OTOGL: variants seen among roughly 807,000 people sequenced by gnomAD.
OTOGL encodes the protein otogelin-like protein.
In OTOGL, 285 loss-of-function variants were observed where a neutral mutation model predicts 318.5. That is an observed-to-expected ratio of 0.89 (90% CI 0.81 to 0.99). The LOEUF (loss-of-function observed/expected upper bound fraction) is 0.99, where lower values mean the gene tolerates loss of function less well. Ranked by LOEUF, OTOGL falls within the 50% of genes least tolerant of loss-of-function variation. The pLI, the probability that OTOGL is intolerant of heterozygous loss-of-function variation, is 0.00. For missense variants in OTOGL, 2,899 were observed against 2,845.6 expected, an observed-to-expected ratio of 1.02 and a Z score of -0.43; for synonymous variants, 987 against 936.5, an observed-to-expected ratio of 1.05 and a Z score of -0.99.
chr12:80,188,084 T>C (rs1875419292), intron 1 of OTOGL, among the ~76,000 whole-genome samples: 1 of 152,180 alleles, frequency 6.6e-6, no homozygotes, highest in African/African-American at 2.4e-5. Flanking sequence ...TCTTTTTAAT[T>C]GTCAATGATG....
chr12:80,276,208 A>G (rs1399461697), intron 24 of OTOGL, among the ~76,000 whole-genome samples: 1 of 151,776 alleles, frequency 6.6e-6, no homozygotes, highest in Non-Finnish European at 1.5e-5. Flanking sequence ...CACTTAAACA[A>G]CTGAACAATT....
chr12:80,328,965 T>C, intron 36 of OTOGL, 86 bp from the exon 37 acceptor site: 1 of 1,277,258 alleles, frequency 7.8e-7, no homozygotes, highest in South Asian at 1.4e-5. Flanking sequence ...AACATTTTCC[T>C]TGAAGCTAAA....
At chr12:80,193,000 A>C (rs547887991) in intron 1 of OTOGL, among the ~76,000 whole-genome samples, 1 of 151,786 alleles carries the variant, frequency 6.6e-6, no homozygotes, top group African/African-American at 2.4e-5. Flanking sequence ...TAAAAAAAAA[A>C]CCGAATCAGT....
intron 1 of OTOGL, among the ~76,000 whole-genome samples, chr12:80,115,341 A>G (rs939634762): frequency 6.6e-6 from 1 of 151,736 alleles, no homozygotes; most frequent in Admixed American, 6.6e-5. Flanking sequence ...TTTCCTTCTA[A>G]CAGTCAGGTC....
chr12:80,206,015 T>G (rs1876781909), intron 1 of OTOGL, among the ~76,000 whole-genome samples: 1 of 152,206 alleles, frequency 6.6e-6, no homozygotes, highest in African/African-American at 2.4e-5. Flanking sequence ...AGTGCTTTTG[T>G]AGCAGAAAGG....
intron 1 of OTOGL, among the ~76,000 whole-genome samples, chr12:80,201,878 A>C (rs1053291815): frequency 6.6e-6 from 1 of 152,196 alleles, no homozygotes; most frequent in African/African-American, 2.4e-5. Flanking sequence ...CTATAATTCT[A>C]TGTCAGGGAG....
chr12:80,333,614 A>T (rs1888216114), intron 38 of OTOGL, among the ~76,000 whole-genome samples: 1 of 152,104 alleles, frequency 6.6e-6, no homozygotes, highest in Non-Finnish European at 1.5e-5. Flanking sequence ...AAAGTAGGCA[A>T]ATATTTCTGC....
intron 1 of OTOGL, among the ~76,000 whole-genome samples, chr12:80,144,465 T>C (rs1439377766): frequency 6.7e-6 from 1 of 148,638 alleles, no homozygotes; most frequent in Non-Finnish European, 1.5e-5. Context: ...TTGTTGGACA[T>C]TTGGGTTGGT....
intron 44 of OTOGL, among the ~76,000 whole-genome samples, chr12:80,348,650 A>G (rs557145119): frequency 2.2e-4 from 33 of 152,278 alleles, no homozygotes; most frequent in African/African-American, 7.9e-4. Context: ...CACTTAGAGT[A>G]CATTCCAAAG....
At position 80,271,653 on chromosome 12, in the gene OTOGL, A is replaced by G. The variant is rs1394852904; in HGVS notation, c.2524A>G (p.Ile842Val). The G allele has an allele frequency of 3.1e-6, 5 of 1,612,568 alleles. No individual in the cohort carries two copies. Among genetic ancestry groups the G allele is most frequent in the Non-Finnish European group, 8.5e-7 (1 of 1,179,180 alleles). The change falls in exon 24 of 59, where the codon ATC becomes GTC. Residue 842 changes from isoleucine to valine, a missense_variant. By Grantham distance (29) the Ile-to-Val change is conservative. Around this residue, in one of 3 missense-constraint regions of OTOGL, gnomAD observed 2,607 missense variants for 2,524.9 expected, o/e 1.03. Transcript: ENST00000547103. ...GTCTGTGCTTATATCTGAAGTTCACATCTGCCCAGAGGGAAAAGAGTATTT... is the reference window on the plus strand; with the variant it reads ...GTCTGTGCTTATATCTGAAGTTCACGTCTGCCCAGAGGGAAAAGAGTATTT... ...DELATPSAVHICPEGKEYFDC... is the reference protein window; with the variant it reads ...DELATPSAVHVCPEGKEYFDC...
At chr12:80,278,714 A>G (rs1216748057) in intron 25 of OTOGL, among the ~76,000 whole-genome samples, 1 of 151,584 alleles carries the variant, frequency 6.6e-6, no homozygotes, top group East Asian at 1.9e-4. Flanking sequence ...TTACTCAAAT[A>G]TGGGAGATGG....
intron 57 of OTOGL, among the ~76,000 whole-genome samples, chr12:80,373,782 T>C (rs7976062): frequency 0.85 from 129,269 of 151,916 alleles, 55,040 homozygotes; most frequent in South Asian, 0.88. Context: ...TTTGTCCAAG[T>C]CATACCTCTT....
At chr12:80,118,442 A>C (rs1870296373) in intron 1 of OTOGL, among the ~76,000 whole-genome samples, 1 of 152,188 alleles carries the variant, frequency 6.6e-6, no homozygotes. Flanking sequence ...TTTTCTTCCC[A>C]ACCCCGATGG....
chr12:80,373,412 C>G (rs1289569445), intron 57 of OTOGL, among the ~76,000 whole-genome samples: 3 of 151,992 alleles, frequency 2.0e-5, no homozygotes, highest in Non-Finnish European at 2.9e-5. Flanking sequence ...AGCCTGGTGA[C>G]AGAGCTAGAC....
chr12:80,368,369 A>G, intron 55 of OTOGL, 60 bp downstream of exon 55: 3 of 1,307,428 alleles, frequency 2.3e-6, no homozygotes, highest in Non-Finnish European at 2.1e-6. Flanking sequence ...TCTTGAGTCA[A>G]AGTTTGGAAA....
chr12:80,251,361 G>GA (rs1270167666), intron 11 of OTOGL, among the ~76,000 whole-genome samples: 2 of 152,042 alleles, frequency 1.3e-5, no homozygotes, highest in Non-Finnish European at 2.9e-5. Context: ...GTGTGTGAGT[G>GA]AAAAAATACA....
chr12:80,248,464 C>A (rs1412744962), intron 11 of OTOGL, among the ~76,000 whole-genome samples: 2,459 of 143,382 alleles, frequency 0.017, 80 homozygotes, highest in African/African-American at 0.063. Context: ...GTTGCAAATT[C>A]TTTTCTTTAA....
chr12:80,368,401 G>T, intron 55 of OTOGL, 92 bp downstream of exon 55: 1 of 737,486 alleles, frequency 1.4e-6, no homozygotes, highest in South Asian at 1.7e-5. Context: ...CACACACACT[G>T]CACTGCATAC....
chr12:80,105,856 A>G (rs1254932596), intron 1 of OTOGL, among the ~76,000 whole-genome samples: 2 of 152,214 alleles, frequency 1.3e-5, no homozygotes, highest in Non-Finnish European at 2.9e-5. Flanking sequence ...TTTGCTGTCA[A>G]TACCTGACAG....
Sources: allele counts gnomAD v4.1 joint callset (sites outside exome capture counted in the v4.1 genomes callset), GRCh38; gene constraint gnomAD v4.1.1; regional missense constraint gnomAD v4.1.1; transcripts MANE v1.5; gene names NCBI Gene and HGNC (gene_info 2026-07-23, HGNC 2026-07-21).